Variants in INPP5A observed in about 807,000 individuals in gnomAD.
The protein encoded by INPP5A is inositol polyphosphate-5-phosphatase A.
In INPP5A, 14 loss-of-function variants were observed where a neutral mutation model predicts 65.2. That is an observed-to-expected ratio of 0.21 (90% confidence interval 0.14 to 0.34). The LOEUF (loss-of-function observed/expected upper bound fraction) is 0.34. INPP5A is among the 10% of genes least tolerant of loss of function. The pLI is 1.00. For synonymous variants in INPP5A, 207 were observed against 208.3 expected (o/e 0.99, Z 0.05); for missense variants, 431 against 545.6 (o/e 0.79, Z 2.09).
At chr10:132,613,203 G>C (rs560973443) in intron 2 of INPP5A, among the ~76,000 whole-genome samples, 5 of 152,150 alleles carry the variant, frequency 3.3e-5, no homozygotes, top group Admixed American at 3.3e-4. Context: ...TGAGTTCTGA[G>C]CGAGGTGGTT....
intron 1 of INPP5A, among the ~76,000 whole-genome samples, chr10:132,559,347 C>T (rs571761303): frequency 9.7e-4 from 148 of 152,312 alleles, no homozygotes; most frequent in Non-Finnish European, 1.6e-3. Flanking sequence ...TTATTGTTGT[C>T]GATATTACTT....
chr10:132,713,648 C>T (rs1303920178), intron 8 of INPP5A, among the ~76,000 whole-genome samples: 1 of 152,172 alleles, frequency 6.6e-6, no homozygotes, highest in East Asian at 1.9e-4. Flanking sequence ...CTAGCCTGGT[C>T]CCGGGGAGGG....
intron 1 of INPP5A, among the ~76,000 whole-genome samples, chr10:132,597,056 T>C (rs2071710778): frequency 6.6e-6 from 1 of 151,910 alleles, no homozygotes; most frequent in South Asian, 2.1e-4. Context: ...CATGTGTGTG[T>C]GCAGGCTCCT....
At chr10:132,654,287 CGGCCCTGAGTGAGGCTTTA>C (rs2072620961) in intron 4 of INPP5A, among the ~76,000 whole-genome samples, 2 of 152,262 alleles carry the variant, frequency 1.3e-5, no homozygotes, top group Non-Finnish European at 2.9e-5. Context: ...CCCACAGCCA[CGGCCCTGAGTGAGGCTTTA>C]GGCCAGGTGG....
chr10:132,721,817 TGG>T (rs1172022331), intron 8 of INPP5A, among the ~76,000 whole-genome samples: 14 of 151,632 alleles, frequency 9.2e-5, no homozygotes, highest in Non-Finnish European at 1.8e-4. Flanking sequence ...AGGTTCTGTC[TGG>T]GGGCGCCTTA....
chr10:132,667,960 T>G (rs1309878852), intron 4 of INPP5A, among the ~76,000 whole-genome samples: 1 of 152,260 alleles, frequency 6.6e-6, no homozygotes, highest in Non-Finnish European at 1.5e-5. Flanking sequence ...CACCAACATT[T>G]ATTTATCCAG....
Position 132,777,656 on chromosome 10 carries a change from T to G in INPP5A, c.978-15T>G, listed in dbSNP as rs1202383222. The G allele has an allele frequency of 6.2e-7, 1 of 1,610,446 alleles. No individual in the cohort carries two copies. The highest frequency in any genetic ancestry group is 1.3e-5 in the African/African-American group (1 of 74,890). ...CGAGCCGGCCGGCTGACCCTCTGCC[T>G]TCATGTCTCCCCAGCTACCCGTACA... is the stretch of plus-strand genomic sequence containing the variant. On this transcript the variant is annotated splice_polypyrimidine_tract_variant and intron_variant, in intron 12 of 15. Coordinates refer to ENST00000368594, the MANE Select transcript of INPP5A (RefSeq NM_005539.5).
At chr10:132,723,579 GA>G (rs1319811560) in intron 8 of INPP5A, among the ~76,000 whole-genome samples, 1 of 94,826 alleles carries the variant, frequency 1.1e-5, no homozygotes, top group African/African-American at 4.5e-5. Flanking sequence ...GCCATGTGGG[GA>G]TTGGCCGTGT....
rs770773305 is a variant in INPP5A at position 132,627,445 on chromosome 10, C to G, written c.118-18423C>G. Among the ~76,000 whole-genome samples, 3 of 152,108 alleles carry G rather than the reference C, an allele frequency of 2.0e-5. No individual in the cohort carries two copies. The highest frequency in any genetic ancestry group is 2.9e-5 in the Non-Finnish European group (2 of 68,006). Reference sequence around the variant, plus strand: ...GCGGTGGGGCTGGCGGTGCTGGGCGCGGCTCCCAAGATGCGTGCAGCTGTC... The same window carrying G: ...GCGGTGGGGCTGGCGGTGCTGGGCGGGGCTCCCAAGATGCGTGCAGCTGTC... On this transcript the variant is annotated intron_variant, in intron 2 of 15. Transcript: ENST00000368594. This position sits in a 1 kb window ranked among gnomAD's most constrained non-coding sequence, Gnocchi z 6.6.
At position 132,650,641 on chromosome 10, in the gene INPP5A, TC is replaced by T; in HGVS notation, c.306+139del. 1.5e-6 allele frequency: 1 copy of T among 660,208 alleles called. No individual in the cohort carries two copies. Among genetic ancestry groups the T allele is most frequent in the Non-Finnish European group, 2.7e-6 (1 of 370,860 alleles). The allele number at this position is 660,208 out of a possible 1,614,324, so 40.9% of individuals were successfully genotyped here. On this transcript the variant is annotated intron_variant, in intron 4 of 15. Coordinates refer to ENST00000368594, the MANE Select transcript of INPP5A (RefSeq NM_005539.5). The surrounding 1 kb of genome is among the most constrained non-coding windows in gnomAD (Gnocchi z 5.5). The stretch of plus-strand genomic sequence containing the variant: ...TCACTCACGCTGCCCTGCCTGGCAC[TC>T]CCGCAGCCTGCTTGGTGGTCTGCTC...
Position 132,769,806 on chromosome 10 carries a change from C to G in INPP5A, c.977+3960C>G, listed in dbSNP as rs573257458. On this transcript the variant is annotated intron_variant, in intron 12 of 15. Transcript: ENST00000368594. ...GCAGCCCCCACCCCGTAGCTCCCCC[C>G]CCCCAAGTTCCTGATACGTGTGGCT... Among the ~76,000 whole-genome samples, 289 of 150,910 alleles carry G rather than the reference C, an allele frequency of 1.9e-3. 2 individuals carry two copies. Among genetic ancestry groups the G allele is most frequent in the South Asian group, 6.5e-3 (31 of 4,770 alleles).
intron 8 of INPP5A, among the ~76,000 whole-genome samples, chr10:132,711,593 G>A (rs945513461): frequency 7.9e-5 from 12 of 152,274 alleles, no homozygotes; most frequent in South Asian, 2.1e-4. Context: ...GCCCCCGTGC[G>A]TGCAGAATGC....
intron 11 of INPP5A, among the ~76,000 whole-genome samples, chr10:132,761,183 G>T (rs2134665913): frequency 6.6e-6 from 1 of 152,324 alleles, no homozygotes; most frequent in African/African-American, 2.4e-5. Flanking sequence ...TCTCTGGGTG[G>T]CACGGGCCCC....
intron 8 of INPP5A, among the ~76,000 whole-genome samples, chr10:132,713,645 G>C (rs1439015334): frequency 6.6e-6 from 1 of 152,142 alleles, no homozygotes; most frequent in Non-Finnish European, 1.5e-5. Flanking sequence ...CCACTAGCCT[G>C]GTCCCGGGGA....
chr10:132,726,833 G>A lies in INPP5A; in HGVS notation c.660G>A (p.Gln220=). The A allele has an allele frequency of 6.2e-6, 10 of 1,602,340 alleles. No homozygotes were observed. The highest frequency in any genetic ancestry group is 8.5e-6 in the Non-Finnish European group (10 of 1,171,298). The part of the protein sequence containing the change: ...LGYVLDRIID[Q]RFEKVSYFVF... The stretch of plus-strand genomic sequence containing the variant: ...TTTTTCTTTCCAGAATCATTGATCA[G>A]CGATTCGAGAAGGTTTCCTACTTTG... The change falls in exon 9 of 16, where the codon CAG becomes CAA. Residue 220 remains glutamine, a synonymous_variant. Coordinates refer to ENST00000368594, the MANE Select transcript of INPP5A (RefSeq NM_005539.5).
intron 1 of INPP5A, among the ~76,000 whole-genome samples, chr10:132,565,413 A>T (rs1260590035): frequency 6.6e-6 from 1 of 152,210 alleles, no homozygotes; most frequent in Non-Finnish European, 1.5e-5. Flanking sequence ...TTTGGAGTTT[A>T]TGGGCCCACC....
At position 132,688,357 on chromosome 10, in the gene INPP5A, C is replaced by T. The variant is rs114722150; in HGVS notation, c.307-2035C>T. Among the ~76,000 whole-genome samples, 607 of 152,370 alleles carry T rather than the reference C, an allele frequency of 4.0e-3. 3 individuals carry two copies. Among genetic ancestry groups the T allele is most frequent in the African/African-American group, 0.014 (585 of 41,576 alleles). ...GCCCCCAGGACAGCCACCCCAGTGA[C>T]CGGTCGTCAGGGAGGGAGCAGCAGT... On this transcript the variant is annotated intron_variant, in intron 4 of 15. Transcript: ENST00000368594.
intron 2 of INPP5A, among the ~76,000 whole-genome samples, chr10:132,629,105 A>T (rs898805329): frequency 1.3e-5 from 2 of 152,226 alleles, no homozygotes; most frequent in African/African-American, 4.8e-5. Flanking sequence ...AGCACCTGGC[A>T]TTCCCATTCT....
intron 2 of INPP5A, among the ~76,000 whole-genome samples, chr10:132,636,720 A>G (rs945158386): frequency 1.3e-5 from 2 of 152,186 alleles, no homozygotes; most frequent in African/African-American, 4.8e-5. Flanking sequence ...GATGGGGGCA[A>G]AATTTCCCAA....
Sources: allele counts gnomAD v4.1 joint callset (sites outside exome capture counted in the v4.1 genomes callset), GRCh38; gene constraint gnomAD v4.1.1; non-coding constraint Gnocchi (gnomAD v3.1); transcripts MANE v1.5; gene names NCBI Gene and HGNC (gene_info 2026-07-23, HGNC 2026-07-21).